Variants in CDH11 observed in about 807,000 individuals in gnomAD.
CDH11 encodes cadherin 11.
CDH11 carries 11 observed loss-of-function variants against 67.8 expected under a neutral mutation model. That is an observed-to-expected ratio of 0.16 (90% CI 0.10 to 0.27). CDH11 has a LOEUF of 0.27. Ranked by LOEUF, CDH11 falls within the 10% of genes least tolerant of loss-of-function variation. The probability of loss-of-function intolerance (pLI) is 1.00; values close to 1 mark genes in which losing one functional copy is unlikely to be tolerated. For missense variants in CDH11, 847 were observed against 1,031.2 expected, an observed-to-expected ratio of 0.82 and a Z score of 2.45; for synonymous variants, 419 against 400.0, an observed-to-expected ratio of 1.05 and a Z score of -0.57.
intron 2 of CDH11, among the ~76,000 whole-genome samples, chr16:65,028,616 C>A (rs562207787): frequency 6.6e-6 from 1 of 152,168 alleles, no homozygotes; most frequent in Admixed American, 6.5e-5. Flanking sequence ...GCTTACAAGA[C>A]GCAGCTAAAT....
intron 2 of CDH11, among the ~76,000 whole-genome samples, chr16:65,020,118 G>C (rs1047285164): frequency 6.6e-6 from 1 of 152,090 alleles, no homozygotes; most frequent in African/African-American, 2.4e-5. Context: ...GTACAAATAA[G>C]GTATGACTCT....
chr16:65,028,164 T>G (rs1800710215), intron 2 of CDH11, among the ~76,000 whole-genome samples: 1 of 152,202 alleles, frequency 6.6e-6, no homozygotes, highest in Admixed American at 6.5e-5. Context: ...CCTTGTTTCC[T>G]GGGAAACCCA....
At chr16:65,110,354 G>GA (rs1453248640) in intron 1 of CDH11, among the ~76,000 whole-genome samples, 15 of 152,092 alleles carry the variant, frequency 9.9e-5, no homozygotes, top group Non-Finnish European at 1.5e-5. Context: ...GGGTTTCTTA[G>GA]TTGAAAGCAA....
intron 2 of CDH11, among the ~76,000 whole-genome samples, chr16:65,051,316 G>A (rs143542748): frequency 1.2e-4 from 19 of 152,254 alleles, no homozygotes; most frequent in Non-Finnish European, 2.6e-4. Context: ...GAAATGTATA[G>A]TTCCCAGTCA....
intron 1 of CDH11, among the ~76,000 whole-genome samples, chr16:65,093,313 T>C (rs1338877459): frequency 6.7e-6 from 1 of 148,618 alleles, no homozygotes; most frequent in Non-Finnish European, 1.5e-5. Context: ...ACCCAAAGAC[T>C]ACGAGGAGCA....
chr16:65,034,760 G>A (rs1485874280), intron 2 of CDH11, among the ~76,000 whole-genome samples: 6 of 152,292 alleles, frequency 3.9e-5, no homozygotes, highest in Admixed American at 1.3e-4. Flanking sequence ...CCTCTGGTTA[G>A]TCACCATAAC....
chr16:64,999,035 G>T (rs1264026158), intron 3 of CDH11, among the ~76,000 whole-genome samples, 179 bp from the exon 4 acceptor site: 3 of 152,030 alleles, frequency 2.0e-5, no homozygotes, highest in Non-Finnish European at 4.4e-5. Context: ...CTTGGCCAAG[G>T]TCACACTGCA....
chr16:65,095,291 C>T (rs2142840576), intron 1 of CDH11, among the ~76,000 whole-genome samples: 1 of 152,184 alleles, frequency 6.6e-6, no homozygotes, highest in Non-Finnish European at 1.5e-5. Context: ...TGGGTATGGC[C>T]AACCAACCAC....
At chr16:65,104,151 G>A (rs1377392614) in intron 1 of CDH11, among the ~76,000 whole-genome samples, 1 of 152,144 alleles carries the variant, frequency 6.6e-6, no homozygotes, top group Non-Finnish European at 1.5e-5. Flanking sequence ...TATGATTCCT[G>A]CTGGGAAGGA....
intron 1 of CDH11, among the ~76,000 whole-genome samples, chr16:65,094,260 G>A (rs2074844878): frequency 6.6e-6 from 1 of 152,136 alleles, no homozygotes; most frequent in African/African-American, 2.4e-5. Flanking sequence ...GCAAGCCAAA[G>A]CAACTGGAGA....
At chr16:64,999,445 A>T (rs2072859862) in intron 3 of CDH11, among the ~76,000 whole-genome samples, 1 of 152,200 alleles carries the variant, frequency 6.6e-6, no homozygotes, top group South Asian at 2.1e-4. Context: ...CTCTAACAAT[A>T]AATTCAGGTG....
chr16:64,987,791 C>T (rs2072523742), intron 7 of CDH11: 1 of 170,414 alleles, frequency 5.9e-6, no homozygotes, highest in African/African-American at 2.4e-5. Context: ...GCTTATCTAA[C>T]AGATTCAGTG....
intron 1 of CDH11, among the ~76,000 whole-genome samples, chr16:65,108,774 C>T (rs972367393): frequency 1.3e-5 from 2 of 152,166 alleles, no homozygotes; most frequent in African/African-American, 4.8e-5. Context: ...CCTATATAGC[C>T]TCACCTATGT....
At chr16:65,123,654 G>A (rs1365058290), upstream of CDH11, 2 of 152,110 alleles carry the variant, frequency 1.3e-5, no homozygotes, top group East Asian at 2.0e-4. Context: ...GGGTGCCGGC[G>A]AGGCTGCCCC....
At chr16:65,091,864 G>A (rs2074798424) in intron 1 of CDH11, among the ~76,000 whole-genome samples, 1 of 151,978 alleles carries the variant, frequency 6.6e-6, no homozygotes, top group African/African-American at 2.4e-5. Flanking sequence ...TTAAAGTCAG[G>A]CACAGAGTAG....
intron 2 of CDH11, among the ~76,000 whole-genome samples, chr16:65,042,827 A>G (rs2073888845): frequency 6.6e-6 from 1 of 151,986 alleles, no homozygotes; most frequent in Non-Finnish European, 1.5e-5. Context: ...CCCTCTCCAA[A>G]TCTATTGTGG....
intron 2 of CDH11, among the ~76,000 whole-genome samples, chr16:65,052,998 C>T (rs1240546247): frequency 6.6e-6 from 1 of 152,012 alleles, no homozygotes; most frequent in African/African-American, 2.4e-5. Context: ...ATGTGGGACC[C>T]AGGAAAAACC....
In CDH11 at chr16:65,121,731, C is replaced by A; in HGVS notation, c.-298+149G>T. 3.0e-6 allele frequency: 2 copies of A among 672,018 alleles called. No individual in the cohort carries two copies. The highest frequency in any genetic ancestry group is 2.7e-6 in the Non-Finnish European group (1 of 372,864). 41.6% of individuals were successfully genotyped at this position (672,018 alleles called of 1,614,324 possible). Reference sequence around the variant, plus strand: ...TAAACAAATCTCTCCCTCCCTTTTGCTTTGCGTTAGTGAAGCCTTCTCGAC... The same window carrying A: ...TAAACAAATCTCTCCCTCCCTTTTGATTTGCGTTAGTGAAGCCTTCTCGAC... On this transcript the variant is annotated intron_variant, in intron 1 of 12. Transcript: ENST00000268603. This position sits in a 1 kb window ranked among gnomAD's most constrained non-coding sequence, Gnocchi z 4.1.
intron 1 of CDH11, among the ~76,000 whole-genome samples, chr16:65,113,480 C>T (rs1214674602): frequency 1.3e-5 from 2 of 152,112 alleles, no homozygotes; most frequent in African/African-American, 2.4e-5. Flanking sequence ...CAGTTAATGA[C>T]TGCATACATC....
Sources: allele counts gnomAD v4.1 joint callset (sites outside exome capture counted in the v4.1 genomes callset), GRCh38; gene constraint gnomAD v4.1.1; non-coding constraint Gnocchi (gnomAD v3.1); transcripts MANE v1.5; gene names NCBI Gene and HGNC (gene_info 2026-07-23, HGNC 2026-07-21).